FHOD3: variants seen among roughly 807,000 people sequenced by gnomAD.
FHOD3 encodes FH1/FH2 domain-containing protein 3.
FHOD3 carries 90 observed loss-of-function variants against 173.0 expected under a neutral mutation model. The observed-to-expected ratio is 0.52, with a 90% confidence interval of 0.44 to 0.62. The LOEUF is 0.62. FHOD3 is among the 20% of genes least tolerant of loss of function. The probability of loss-of-function intolerance (pLI) is 0.00; values close to 1 mark genes in which losing one functional copy is unlikely to be tolerated. For synonymous variants in FHOD3, 828 were observed against 823.0 expected (o/e 1.01, Z -0.10); for missense variants, 1,945 against 2,034.7 (o/e 0.96, Z 0.85).
intron 3 of FHOD3, among the ~76,000 whole-genome samples, chr18:36,439,488 G>C (rs2051003006): frequency 6.6e-6 from 1 of 151,696 alleles, no homozygotes; most frequent in Admixed American, 6.6e-5. Context: ...GACTGTATTA[G>C]TCAGGGCTCT....
At chr18:36,573,542 G>A (rs2058534986) in intron 5 of FHOD3, among the ~76,000 whole-genome samples, 1 of 152,106 alleles carries the variant, frequency 6.6e-6, no homozygotes, top group Non-Finnish European at 1.5e-5. Context: ...GGTGGATAAG[G>A]CTGCAGTGAG....
intron 3 of FHOD3, among the ~76,000 whole-genome samples, chr18:36,429,653 A>G (rs1025461711): frequency 6.6e-6 from 1 of 152,192 alleles, no homozygotes; most frequent in Non-Finnish European, 1.5e-5. Context: ...GTGAAAAGGA[A>G]ATGAATATGC....
intron 3 of FHOD3, among the ~76,000 whole-genome samples, chr18:36,490,853 G>A (rs2054430599): frequency 6.6e-6 from 1 of 152,236 alleles, no homozygotes; most frequent in South Asian, 2.1e-4. Flanking sequence ...TAACAAAGAA[G>A]CATCTGGAAC....
In FHOD3 at chr18:36,512,999, T is replaced by A. The variant is rs558847075; in HGVS notation, c.511+456T>A. On this transcript the variant is annotated intron_variant, in intron 5 of 28. Coordinates refer to ENST00000590592, the MANE Select transcript of FHOD3 (RefSeq NM_001281740.3). Reference sequence around the variant, plus strand: ...ATATTTTTCACCTTGTCTTCCTGTTTCTGATTCGATAGTTTTGAGCGGGTC... The same window carrying A: ...ATATTTTTCACCTTGTCTTCCTGTTACTGATTCGATAGTTTTGAGCGGGTC... Among the ~76,000 whole-genome samples, 10 of 152,334 alleles carry A rather than the reference T, an allele frequency of 6.6e-5. No homozygotes were observed. In the East Asian group the frequency reaches 1.9e-3, roughly 29 times the overall value.
At chr18:36,681,295 C>A in intron 14 of FHOD3, 141 bp from the exon 15 acceptor site, 2 of 948,784 alleles carry the variant, frequency 2.1e-6, no homozygotes, top group Non-Finnish European at 3.1e-6. Flanking sequence ...AACAAGAAGA[C>A]CCGAGGCATT....
chr18:36,666,981 GT>G (rs1311336063), intron 14 of FHOD3, among the ~76,000 whole-genome samples: 2 of 152,088 alleles, frequency 1.3e-5, no homozygotes, highest in African/African-American at 4.8e-5. Flanking sequence ...TTGCATGTGT[GT>G]TTTTAGCATT....
intron 5 of FHOD3, among the ~76,000 whole-genome samples, chr18:36,537,870 C>CTCTGTGT (rs1316915376): frequency 6.6e-6 from 1 of 152,150 alleles, no homozygotes; most frequent in Non-Finnish European, 1.5e-5. Flanking sequence ...GAACACTTCC[C>CTCTGTGT]TCAGTAGCAG....
chr18:36,648,779 C>T (rs2035854127), intron 10 of FHOD3, among the ~76,000 whole-genome samples: 1 of 152,146 alleles, frequency 6.6e-6, no homozygotes, highest in South Asian at 2.1e-4. Context: ...CAGGGGTGGC[C>T]ATTCATTGAG....
chr18:36,567,723 GA>G (rs2058314658), intron 5 of FHOD3, among the ~76,000 whole-genome samples: 1 of 152,324 alleles, frequency 6.6e-6, no homozygotes, highest in Middle Eastern at 3.4e-3. Context: ...GCAAAACCCA[GA>G]AGTGGACTTG....
At chr18:36,566,166 A>G (rs576725672) in intron 5 of FHOD3, among the ~76,000 whole-genome samples, 1 of 152,346 alleles carries the variant, frequency 6.6e-6, no homozygotes, top group African/African-American at 2.4e-5. Context: ...TTTGCCAGGA[A>G]GAGATCGTCT....
rs1302948204 is a variant in FHOD3 at position 36,759,230 on chromosome 18, A to G, written c.4449+89A>G. The G allele has an allele frequency of 5.9e-6, 8 of 1,360,600 alleles. No individual in the cohort carries two copies. The East Asian group carries it at 1.7e-4, about 30-fold the overall frequency. The allele number at this position is 1,360,600 out of a possible 1,614,324, so 84.3% of individuals were successfully genotyped here. ...CCTAACATAATCAGCATGAAGTGTCAGCACCATTCAGTGCTTTAAACAATG... is the reference window on the plus strand; with the variant it reads ...CCTAACATAATCAGCATGAAGTGTCGGCACCATTCAGTGCTTTAAACAATG... On this transcript the variant is annotated intron_variant, in intron 26 of 28. Coordinates refer to ENST00000590592, the MANE Select transcript of FHOD3 (RefSeq NM_001281740.3).
rs1211753207 is a variant in FHOD3, at chr18:36,652,870, CTT to C, written c.1589_1590del (p.Phe530Ter). On this transcript the variant is annotated frameshift_variant, in exon 12 of 29. Transcript: ENST00000590592. LOFTEE classifies it high-confidence loss of function. Reference sequence around the variant, plus strand: ...GCCCCTTCCACCTCTTCTCCTATGACTTTGAGGACTCCTCCCTGTCCACCAAG... The same window carrying C: ...GCCCCTTCCACCTCTTCTCCTATGACTGAGGACTCCTCCCTGTCCACCAAG... Reference protein sequence around the residue: ...HSPFHLFSYDFEDSSLSTKEK... With the variant: ...HSPFHLFSYDXEDSSLSTKEK... The C allele has an allele frequency of 2.0e-6, 3 of 1,535,784 alleles. No individual in the cohort carries two copies. In the Admixed American group the frequency reaches 5.9e-5, roughly 30 times the overall value.
intron 5 of FHOD3, among the ~76,000 whole-genome samples, chr18:36,521,275 T>C (rs2056259250): frequency 6.6e-6 from 1 of 152,132 alleles, no homozygotes; most frequent in African/African-American, 2.4e-5. Context: ...GCCCAAGACC[T>C]CCAGCCCTGG....
chr18:36,580,244 CTCTG>C (rs1483138002), intron 6 of FHOD3, among the ~76,000 whole-genome samples: 15 of 152,160 alleles, frequency 9.9e-5, no homozygotes, highest in Admixed American at 2.0e-4. Context: ...TCTTCAGGGC[CTCTG>C]TCTAAGGTGG....
intron 18 of FHOD3, among the ~76,000 whole-genome samples, chr18:36,717,359 A>G (rs1319771398): frequency 6.6e-6 from 1 of 152,178 alleles, no homozygotes; most frequent in Admixed American, 6.5e-5. Flanking sequence ...TCAGTGGCAC[A>G]GTTTGTGTGT....
intron 3 of FHOD3, among the ~76,000 whole-genome samples, chr18:36,485,940 C>T (rs1440618493): frequency 6.6e-6 from 1 of 152,206 alleles, no homozygotes; most frequent in Non-Finnish European, 1.5e-5. Flanking sequence ...ACGTGAATTA[C>T]TGACTCATTT....
chr18:36,551,117 T>A (rs911966712), intron 5 of FHOD3, among the ~76,000 whole-genome samples: 8 of 152,196 alleles, frequency 5.3e-5, no homozygotes, highest in African/African-American at 1.9e-4. Flanking sequence ...AGAACAGGAA[T>A]GCATGTTAGA....
intron 5 of FHOD3, among the ~76,000 whole-genome samples, chr18:36,531,465 C>CGGAA (rs1339651142): frequency 6.6e-6 from 1 of 152,176 alleles, no homozygotes; most frequent in Non-Finnish European, 1.5e-5. Context: ...GGTTGAGACC[C>CGGAA]TTCCCCGATC....
At chr18:36,742,988 G>A in intron 22 of FHOD3, 132 bp downstream of exon 22, 1 of 1,315,140 alleles carries the variant, frequency 7.6e-7, no homozygotes, top group Non-Finnish European at 1.0e-6. Context: ...TCTTCTTGCT[G>A]AAAATCTAGA....
Sources: gnomAD v4.1 joint callset for allele counts (sites outside exome capture counted in the v4.1 genomes callset) on GRCh38, gnomAD v4.1.1 for gene constraint, MANE v1.5 for transcripts, NCBI Gene and HGNC (gene_info 2026-07-23, HGNC 2026-07-21) for gene names.